SGCD: variants seen among roughly 807,000 people sequenced by gnomAD.
SGCD encodes delta-sarcoglycan.
A neutral mutation model predicts 36.6 loss-of-function variants in SGCD; 18 were observed. That is an observed-to-expected ratio of 0.49 (90% CI 0.34 to 0.73). SGCD has a LOEUF of 0.73. SGCD is among the 30% of genes least tolerant of loss of function. The pLI, the probability that SGCD is intolerant of heterozygous loss-of-function variation, is 0.01. For synonymous variants in SGCD, 133 were observed against 130.6 expected (o/e 1.02, Z -0.12); for missense variants, 387 against 346.7 (o/e 1.12, Z -0.92).
intron 1 of SGCD, among the ~76,000 whole-genome samples, chr5:156,054,577 G>A (rs889601889): frequency 1.4e-5 from 2 of 146,484 alleles, no homozygotes; most frequent in African/African-American, 4.9e-5. Flanking sequence ...GAGCCACCGC[G>A]CCCGGCCCCT....
At chr5:155,746,643 C>T in the SGCD span, among the ~76,000 whole-genome samples, 2 of 152,110 alleles carry the variant, frequency 1.3e-5, no homozygotes, top group African/African-American at 4.8e-5. Context: ...TCTTAAGTCT[C>T]TGCCATCTGC....
intron 7 of SGCD, among the ~76,000 whole-genome samples, chr5:156,675,702 C>A (rs146552489): frequency 2.8e-4 from 43 of 152,252 alleles, no homozygotes; most frequent in Middle Eastern, 6.8e-3. Flanking sequence ...GTAAGCATTC[C>A]TACTGCAAAG....
intron 3 of SGCD, among the ~76,000 whole-genome samples, chr5:156,353,257 GCAGT>G (rs948130837): frequency 6.6e-5 from 10 of 152,124 alleles, no homozygotes; most frequent in African/African-American, 2.4e-4. Flanking sequence ...TTATGAATAG[GCAGT>G]CACTTTAAAT....
chr5:156,271,563 G>A (rs1766180274), intron 3 of SGCD, among the ~76,000 whole-genome samples: 1 of 152,142 alleles, frequency 6.6e-6, no homozygotes, highest in Admixed American at 6.6e-5. Flanking sequence ...TTGAAGCAGT[G>A]CTTGATCCAA....
intron 3 of SGCD, among the ~76,000 whole-genome samples, chr5:156,452,339 A>G (rs902004214): frequency 1.3e-5 from 2 of 151,874 alleles, no homozygotes; most frequent in African/African-American, 4.8e-5. Context: ...CTTTTCCCAC[A>G]TTTTTCTTTG....
chr5:156,595,582 T>C (rs1318829934), intron 6 of SGCD, among the ~76,000 whole-genome samples: 1 of 152,166 alleles, frequency 6.6e-6, no homozygotes, highest in African/African-American at 2.4e-5. Context: ...AGCTGTCAAG[T>C]CTTTTTGGCA....
chr5:155,733,146 T>G, the SGCD span, among the ~76,000 whole-genome samples: 1 of 152,024 alleles, frequency 6.6e-6, no homozygotes, highest in Admixed American at 6.6e-5. Flanking sequence ...CCAGGGCCAA[T>G]GTGTCACTAT....
chr5:156,613,075 C>G (rs1055723028), intron 6 of SGCD, among the ~76,000 whole-genome samples: 2 of 152,174 alleles, frequency 1.3e-5, no homozygotes, highest in Non-Finnish European at 2.9e-5. Flanking sequence ...GTGCTTTGCT[C>G]CTCTCTCTGT....
chr5:156,624,780 G>A (rs901290822), intron 6 of SGCD, among the ~76,000 whole-genome samples: 19 of 151,626 alleles, frequency 1.3e-4, no homozygotes, highest in African/African-American at 2.9e-4. Flanking sequence ...CCCTCTTTTC[G>A]TCTGTGATTC....
intron 1 of SGCD, among the ~76,000 whole-genome samples, chr5:155,957,340 C>A (rs893735879): frequency 6.6e-6 from 1 of 151,976 alleles, no homozygotes; most frequent in Admixed American, 6.6e-5. Context: ...AAGAGAGCTG[C>A]CCCCACCAAG....
intron 1 of SGCD, among the ~76,000 whole-genome samples, chr5:156,078,198 G>T (rs1760842511): frequency 6.6e-6 from 1 of 151,776 alleles, no homozygotes; most frequent in South Asian, 2.1e-4. Context: ...TAAGATAATT[G>T]TGAATTCCCA....
At position 156,752,408 on chromosome 5, in the gene SGCD, C is replaced by T. The variant is rs371880636; in HGVS notation, c.576-5173C>T. On this transcript the variant is annotated intron_variant, in intron 7 of 8. Transcript: ENST00000337851. ...ATTGTCATTCTTTCTTTTTTTCCCC[C>T]CCAAGATGGAGTCTTGCTCTGTCTC... Among the ~76,000 whole-genome samples, 4 of 152,050 alleles carry T rather than the reference C, an allele frequency of 2.6e-5. No individual in the cohort carries two copies. In the East Asian group the frequency reaches 7.7e-4, roughly 29 times the overall value.
rs1053043700 is a variant in SGCD at position 156,623,151 on chromosome 5, A to G, written c.503-24313A>G. On this transcript the variant is annotated intron_variant, in intron 6 of 8. Coordinates refer to ENST00000337851, the MANE Select transcript of SGCD (RefSeq NM_000337.6). ...ACATTAGATAAATATATATACATACATGGATCCTTATATACGTGTGTATGT... is the reference window on the plus strand; with the variant it reads ...ACATTAGATAAATATATATACATACGTGGATCCTTATATACGTGTGTATGT... 1.4e-4 allele frequency among the ~76,000 whole-genome samples: 21 copies of G among 152,212 alleles called. No homozygotes were observed. In the East Asian group the frequency reaches 1.7e-3, roughly 13 times the overall value.
chr5:156,342,983 G>A (rs17053449), intron 2 of SGCD, among the ~76,000 whole-genome samples: 24,862 of 152,180 alleles, frequency 0.16, 2,887 homozygotes, highest in African/African-American at 0.33. Flanking sequence ...CCTTCATGGA[G>A]CATTTCAGTT....
chr5:156,091,498 A>T (rs755768806), intron 1 of SGCD, among the ~76,000 whole-genome samples: 10 of 152,196 alleles, frequency 6.6e-5, no homozygotes, highest in Non-Finnish European at 1.5e-4. Flanking sequence ...TCACCGCAGC[A>T]TACCCAGTTC....
In SGCD at chr5:156,650,853, TG is replaced by T. The variant is rs549799907; in HGVS notation, c.575+3320del. 4.8e-3 allele frequency among the ~76,000 whole-genome samples: 728 copies of T among 152,312 alleles called. 5 individuals carry two copies. Among genetic ancestry groups the T allele is most frequent in the African/African-American group, 0.015 (610 of 41,572 alleles). On this transcript the variant is annotated intron_variant, in intron 7 of 8. Transcript: ENST00000337851. ...TTCCCTTTGGGTATATACCCAGTAA[TG>T]GGATTGCTCGGTCAGTTAGTAATTG... is the stretch of plus-strand genomic sequence containing the variant.
intron 3 of SGCD, among the ~76,000 whole-genome samples, chr5:156,131,762 T>C (rs141689605): frequency 1.9e-4 from 29 of 152,352 alleles, no homozygotes; most frequent in African/African-American, 6.5e-4. Flanking sequence ...AATATAATTG[T>C]TATGCTTTAT....
the SGCD span, among the ~76,000 whole-genome samples, chr5:155,810,124 T>C: frequency 1.5e-4 from 23 of 152,368 alleles, no homozygotes; most frequent in African/African-American, 4.8e-4. Context: ...TATTTTTATA[T>C]TCACTAAAGG....
intron 7 of SGCD, among the ~76,000 whole-genome samples, chr5:156,653,763 G>A (rs1386008597): frequency 6.6e-6 from 1 of 151,966 alleles, no homozygotes; most frequent in Non-Finnish European, 1.5e-5. Context: ...TGTGTAAATT[G>A]TTAATGAACT....
Sources: gnomAD v4.1 joint callset for allele counts (sites outside exome capture counted in the v4.1 genomes callset) on GRCh38, gnomAD v4.1.1 for gene constraint, MANE v1.5 for transcripts, NCBI Gene and HGNC (gene_info 2026-07-23, HGNC 2026-07-21) for gene names.